Variants in RBFOX1 observed in about 807,000 individuals in gnomAD.
RBFOX1 encodes the protein RNA binding protein fox-1 homolog 1.
In RBFOX1, 8 loss-of-function variants were observed where a neutral mutation model predicts 57.7. The ratio of observed to expected loss-of-function variants is 0.14; its 90% CI spans 0.08 to 0.25. The LOEUF is 0.25. Ranked by LOEUF, RBFOX1 falls within the 10% of genes least tolerant of loss-of-function variation. The pLI is 1.00. For synonymous variants in RBFOX1, 326 were observed against 222.4 expected (o/e 1.47, Z -4.15); for missense variants, 611 against 548.5 (o/e 1.11, Z -1.14).
rs80140064 is a variant in RBFOX1 at position 6,934,773 on chromosome 16, C to T, written c.-15-117284C>T. Among the ~76,000 whole-genome samples, 1,424 of 152,138 alleles carry T rather than the reference C, an allele frequency of 9.4e-3. 12 individuals are homozygous for T. The highest frequency in any genetic ancestry group is 0.032 in the African/African-American group (1,324 of 41,528). On this transcript the variant is annotated intron_variant, in intron 3 of 15. Transcript: ENST00000550418. ...GAGGATCTCAGAGGGAAAGGGGCCA[C>T]GCTTTGTGTATCACTTGAATGGTCA...
chr16:7,653,586 C>G (rs956619605), intron 11 of RBFOX1, among the ~76,000 whole-genome samples: 7 of 152,224 alleles, frequency 4.6e-5, no homozygotes, highest in East Asian at 1.9e-4. Flanking sequence ...TTGTCAGTCA[C>G]CACATTCTCC....
chr16:6,806,750 C>G (rs552569305), intron 3 of RBFOX1, among the ~76,000 whole-genome samples: 2 of 133,112 alleles, frequency 1.5e-5, no homozygotes, highest in African/African-American at 5.2e-5. Context: ...TTCTCCCTTT[C>G]TTTTTCTATT....
intron 3 of RBFOX1, among the ~76,000 whole-genome samples, chr16:6,662,311 T>G (rs1290299948): frequency 6.6e-6 from 1 of 152,170 alleles, no homozygotes; most frequent in Non-Finnish European, 1.5e-5. Context: ...TGTGAGATGA[T>G]GGATATGTTA....
chr16:6,153,098 G>C (rs2096811069), intron 1 of RBFOX1, among the ~76,000 whole-genome samples: 1 of 149,488 alleles, frequency 6.7e-6, no homozygotes, highest in South Asian at 2.1e-4. Flanking sequence ...GGAACAAGTG[G>C]TGTTTGGTTA....
intron 14 of RBFOX1, among the ~76,000 whole-genome samples, 158 bp from the exon 15 acceptor site, chr16:7,708,898 G>A (rs982138421): frequency 6.6e-6 from 1 of 152,164 alleles, no homozygotes; most frequent in Non-Finnish European, 1.5e-5. Flanking sequence ...ATCATGTACA[G>A]ATGAACTCTT....
At chr16:6,238,139 T>C (rs566942094) in intron 1 of RBFOX1, among the ~76,000 whole-genome samples, 2 of 151,720 alleles carry the variant, frequency 1.3e-5, no homozygotes, top group Admixed American at 6.6e-5. Context: ...TATAGGGTTG[T>C]TGGGAATTAG....
At chr16:6,875,062 C>T (rs1008317436) in intron 3 of RBFOX1, among the ~76,000 whole-genome samples, 3 of 151,812 alleles carry the variant, frequency 2.0e-5, no homozygotes, top group East Asian at 1.9e-4. Flanking sequence ...AAGAACAGGG[C>T]GAAAAAAATG....
intron 1 of RBFOX1, among the ~76,000 whole-genome samples, chr16:6,208,426 T>TCC (rs570363302): frequency 2.8e-4 from 2 of 7,064 alleles, no homozygotes; most frequent in Non-Finnish European, 0.023. Flanking sequence ...ATGTGCTTAG[T>TCC]GTAAGGTGTG....
At chr16:5,559,406 G>C (rs2045805583) in intron 2 of RBFOX1, among the ~76,000 whole-genome samples, 1 of 152,134 alleles carries the variant, frequency 6.6e-6, no homozygotes, top group Admixed American at 6.5e-5. Flanking sequence ...AAATATGGCA[G>C]CTAATAGGCT....
chr16:5,394,786 C>T (rs1322783024), intron 1 of RBFOX1, among the ~76,000 whole-genome samples: 2 of 152,124 alleles, frequency 1.3e-5, no homozygotes, highest in Non-Finnish European at 2.9e-5. Context: ...CGGTCTCACG[C>T]AGTCTGCCCC....
chr16:5,931,191 A>T (rs1423006188), intron 4 of RBFOX1, among the ~76,000 whole-genome samples: 10 of 152,114 alleles, frequency 6.6e-5, no homozygotes, highest in Admixed American at 2.0e-4. Context: ...TTGAGCTCCA[A>T]CCACATCAAT....
chr16:5,520,086 A>G (rs571459536), intron 2 of RBFOX1, among the ~76,000 whole-genome samples: 5 of 152,362 alleles, frequency 3.3e-5, no homozygotes, highest in Admixed American at 3.3e-4. Flanking sequence ...TGATGGAATC[A>G]TTTAAAGAAC....
At chr16:6,080,244 A>C (rs1171198066) in intron 1 of RBFOX1, among the ~76,000 whole-genome samples, 1 of 152,108 alleles carries the variant, frequency 6.6e-6, no homozygotes, top group Non-Finnish European at 1.5e-5. Flanking sequence ...CAGAATAAGC[A>C]ATGTTGATCT....
intron 1 of RBFOX1, among the ~76,000 whole-genome samples, chr16:6,157,758 A>G (rs1275447826): frequency 1.3e-5 from 2 of 152,236 alleles, no homozygotes; most frequent in East Asian, 3.8e-4. Flanking sequence ...TAAATAATTT[A>G]TAGGCTTATG....
intron 2 of RBFOX1, among the ~76,000 whole-genome samples, chr16:6,497,759 A>T (rs1053198852): frequency 6.6e-6 from 1 of 151,682 alleles, no homozygotes; most frequent in Non-Finnish European, 1.5e-5. Context: ...GTTTCACCAT[A>T]TTAGCCAGGC....
At chr16:5,588,640 T>C (rs2046909191) in intron 2 of RBFOX1, among the ~76,000 whole-genome samples, 1 of 152,154 alleles carries the variant, frequency 6.6e-6, no homozygotes, top group African/African-American at 2.4e-5. Context: ...ATGTGAGCAA[T>C]GGACAGCACT....
At chr16:5,787,857 G>A (rs760439243) in intron 3 of RBFOX1, among the ~76,000 whole-genome samples, 2 of 152,194 alleles carry the variant, frequency 1.3e-5, no homozygotes, top group Non-Finnish European at 2.9e-5. Context: ...AGAATGCATT[G>A]CAATTGCAGT....
rs189918320 is a variant in RBFOX1, at chr16:6,742,621, G to C, written c.-16+87971G>C. On this transcript the variant is annotated intron_variant, in intron 3 of 15. Coordinates refer to ENST00000550418, the MANE Select transcript of RBFOX1 (RefSeq NM_018723.4). ...AGGTGAATGGTTAAAGAAACTGTGA[G>C]ATACCCGTACTGTGAACTACTATTC... Among the ~76,000 whole-genome samples, 3 of 152,256 alleles carry C rather than the reference G, an allele frequency of 2.0e-5. No homozygotes were observed. In the East Asian group the frequency reaches 5.8e-4, roughly 29 times the overall value.
intron 4 of RBFOX1, among the ~76,000 whole-genome samples, chr16:7,492,557 T>C (rs2067268856): frequency 6.6e-6 from 1 of 152,124 alleles, no homozygotes; most frequent in African/African-American, 2.4e-5. Flanking sequence ...TAAAATTCAG[T>C]TTCTTAGTGA....
Sources: gnomAD v4.1 joint callset for allele counts (sites outside exome capture counted in the v4.1 genomes callset) on GRCh38, gnomAD v4.1.1 for gene constraint, MANE v1.5 for transcripts, NCBI Gene and HGNC (gene_info 2026-07-23, HGNC 2026-07-21) for gene names.